The following MGAT4C variants were observed in gnomAD, a reference collection of about 807,000 sequenced individuals.
MGAT4C encodes the protein MGAT4 family member C, also known as alpha-1,3-mannosyl-glycoprotein 4-beta-N-acetylglucosaminyltransferase C.
MGAT4C carries 19 observed loss-of-function variants against 40.1 expected under a neutral mutation model. The ratio of observed to expected loss-of-function variants is 0.47; its 90% CI spans 0.33 to 0.70. The LOEUF is 0.70. Ranked by LOEUF, MGAT4C falls within the 30% of genes least tolerant of loss-of-function variation. The pLI, the probability that MGAT4C is intolerant of heterozygous loss-of-function variation, is 0.02. For missense variants in MGAT4C, 491 were observed against 563.2 expected (o/e 0.87, Z 1.30); for synonymous variants, 181 against 187.1 (o/e 0.97, Z 0.27).
At chr12:86,594,565 T>C (rs1310870725) in intron 2 of MGAT4C, among the ~76,000 whole-genome samples, 1 of 152,226 alleles carries the variant, frequency 6.6e-6, no homozygotes, top group Non-Finnish European at 1.5e-5. Context: ...GAAAAACTGC[T>C]GAGAAGAACA....
chr12:86,606,019 A>G (rs1962030455), intron 2 of MGAT4C, among the ~76,000 whole-genome samples: 1 of 152,144 alleles, frequency 6.6e-6, no homozygotes, highest in South Asian at 2.1e-4. Flanking sequence ...AAGGGTAAGC[A>G]AGACACCTTC....
intron 2 of MGAT4C, among the ~76,000 whole-genome samples, chr12:86,696,866 C>G (rs931842947): frequency 6.6e-6 from 1 of 152,010 alleles, no homozygotes; most frequent in Non-Finnish European, 1.5e-5. Flanking sequence ...GATTTCAAAT[C>G]TATAAGTAAG....
At chr12:86,524,795 G>T (rs1958852862) in intron 2 of MGAT4C, among the ~76,000 whole-genome samples, 2 of 151,638 alleles carry the variant, frequency 1.3e-5, no homozygotes, top group South Asian at 2.1e-4. Flanking sequence ...TTTTTTGCCT[G>T]TCTTATTTCA....
intron 1 of MGAT4C, among the ~76,000 whole-genome samples, chr12:86,786,949 C>G (rs928123228): frequency 6.6e-6 from 1 of 151,964 alleles, no homozygotes. Context: ...ATAAGTTCAC[C>G]CTTTGATTAT....
intron 1 of MGAT4C, among the ~76,000 whole-genome samples, chr12:86,051,898 T>C (rs1443387235): frequency 6.6e-6 from 1 of 151,688 alleles, no homozygotes; most frequent in Non-Finnish European, 1.5e-5. Flanking sequence ...TATAGCATGA[T>C]GAAAAATATT....
intron 2 of MGAT4C, among the ~76,000 whole-genome samples, chr12:86,487,758 C>A (rs2136319402): frequency 6.6e-6 from 1 of 152,254 alleles, no homozygotes; most frequent in South Asian, 2.1e-4. Flanking sequence ...AAATACTATT[C>A]TTTCCTGAAA....
chr12:86,578,712 C>T (rs1444748045), intron 2 of MGAT4C, among the ~76,000 whole-genome samples: 1 of 151,584 alleles, frequency 6.6e-6, no homozygotes, highest in Non-Finnish European at 1.5e-5. Flanking sequence ...GTAATGTTTC[C>T]TTTTTCATTT....
intron 2 of MGAT4C, among the ~76,000 whole-genome samples, chr12:86,558,972 T>A (rs1271945021): frequency 6.6e-6 from 1 of 151,562 alleles, no homozygotes; most frequent in East Asian, 1.9e-4. Flanking sequence ...TATAAGAAAC[T>A]CACTTCACTA....
chr12:86,305,452 A>C (rs1953911951), intron 4 of MGAT4C, among the ~76,000 whole-genome samples: 1 of 150,166 alleles, frequency 6.7e-6, no homozygotes, highest in Non-Finnish European at 1.5e-5. Flanking sequence ...AGAAAAAAAA[A>C]AAAAAAGAAA....
chr12:86,153,273 GA>G (rs1008743598), intron 1 of MGAT4C, among the ~76,000 whole-genome samples: 2 of 152,000 alleles, frequency 1.3e-5, no homozygotes, highest in South Asian at 2.1e-4. Context: ...CCACTAAGGA[GA>G]AAAAACCTAC....
At chr12:86,591,946 C>A (rs890983226) in intron 2 of MGAT4C, among the ~76,000 whole-genome samples, 1 of 151,878 alleles carries the variant, frequency 6.6e-6, no homozygotes, top group African/African-American at 2.4e-5. Flanking sequence ...ATGTTGTCAG[C>A]AAATTAATAG....
upstream of MGAT4C, among the ~76,000 whole-genome samples, chr12:86,260,665 A>T (rs1266571983): frequency 6.6e-6 from 1 of 152,112 alleles, no homozygotes; most frequent in Non-Finnish European, 1.5e-5. Context: ...TGTAAGTCAG[A>T]GATTCTTCTG....
intron 2 of MGAT4C, among the ~76,000 whole-genome samples, chr12:86,509,786 A>G (rs1027492963): frequency 2.0e-5 from 3 of 152,102 alleles, no homozygotes; most frequent in Non-Finnish European, 2.9e-5. Context: ...CATCCCTTGT[A>G]AGTTGGATTC....
rs575423215 is a variant in MGAT4C at position 86,596,463 on chromosome 12, G to C, written c.-229+130746C>G. Among the ~76,000 whole-genome samples the C allele has an allele frequency of 3.3e-5, 5 of 152,270 alleles. No individual in the cohort carries two copies. In the East Asian group the frequency reaches 9.7e-4, roughly 29 times the overall value. The stretch of plus-strand genomic sequence containing the variant: ...AGGTTTGAGGGATAGAATTAGTTCA[G>C]ATCCTCCAAAAAAGATGGGCTCACA... On this transcript the variant is annotated intron_variant, in intron 2 of 7. Coordinates refer to the MGAT4C transcript ENST00000548651.
At chr12:86,527,512 T>C (rs1195946149) in intron 2 of MGAT4C, among the ~76,000 whole-genome samples, 1 of 152,198 alleles carries the variant, frequency 6.6e-6, no homozygotes, top group Non-Finnish European at 1.5e-5. Flanking sequence ...TTAGAATTTT[T>C]TTTCTATTTC....
intron 2 of MGAT4C, among the ~76,000 whole-genome samples, chr12:86,594,348 A>T (rs1472735914): frequency 6.6e-6 from 1 of 152,064 alleles, no homozygotes; most frequent in Non-Finnish European, 1.5e-5. Flanking sequence ...TAGTATATTT[A>T]AAAAAATAAG....
chr12:86,411,758 T>C (rs1247342834), intron 3 of MGAT4C, among the ~76,000 whole-genome samples: 2 of 152,182 alleles, frequency 1.3e-5, no homozygotes, highest in African/African-American at 2.4e-5. Context: ...TAAATGTTAG[T>C]AGCCAAGGCA....
rs184500888 is a variant in MGAT4C, at chr12:86,713,392, G to A, written c.-229+13817C>T. 6.2e-3 allele frequency among the ~76,000 whole-genome samples: 942 copies of A among 152,116 alleles called. 8 individuals carry two copies. The highest frequency in any genetic ancestry group is 8.7e-3 in the Non-Finnish European group (592 of 67,956). ...TATTAGGGTGACCCTACCCTCTGAG[G>A]ATGTATCATCTTATTCTGAAAATAT... On this transcript the variant is annotated intron_variant, in intron 2 of 7. Coordinates refer to the MGAT4C transcript ENST00000548651.
intron 4 of MGAT4C, among the ~76,000 whole-genome samples, chr12:86,302,583 C>T (rs920148674): frequency 1.3e-5 from 2 of 150,352 alleles, no homozygotes; most frequent in African/African-American, 2.5e-5. Flanking sequence ...CATACGCCAA[C>T]GTGCCCCACT....
Sources: gnomAD v4.1 joint callset for allele counts (sites outside exome capture counted in the v4.1 genomes callset) on GRCh38, gnomAD v4.1.1 for gene constraint, MANE v1.5 for transcripts, NCBI Gene and HGNC (gene_info 2026-07-23, HGNC 2026-07-21) for gene names.